The following ASAP1 variants were observed in gnomAD, a reference collection of about 807,000 sequenced individuals.
The protein encoded by ASAP1 is ArfGAP with SH3 domain, ankyrin repeat and PH domain 1, also known as arf-GAP with SH3 domain, ANK repeat and PH domain-containing protein 1.
ASAP1 carries 43 observed loss-of-function variants against 145.2 expected under a neutral mutation model. The observed-to-expected ratio is 0.30, with a 90% CI of 0.23 to 0.38. ASAP1 has a LOEUF of 0.38. ASAP1 is among the 10% of genes least tolerant of loss of function. ASAP1 has a pLI of 1.00. For synonymous variants in ASAP1, 546 were observed against 515.5 expected (o/e 1.06, Z -0.80); for missense variants, 1,018 against 1,355.3 (o/e 0.75, Z 3.91).
intron 1 of ASAP1, among the ~76,000 whole-genome samples, chr8:130,411,649 G>GA (rs1829270420): frequency 6.6e-6 from 1 of 151,958 alleles, no homozygotes; most frequent in Non-Finnish European, 1.5e-5. Flanking sequence ...TTGTTAGGAG[G>GA]AAAAAAAGGA....
At chr8:130,287,828 C>T (rs1232640644) in intron 3 of ASAP1, among the ~76,000 whole-genome samples, 3 of 152,182 alleles carry the variant, frequency 2.0e-5, no homozygotes, top group African/African-American at 7.2e-5. Flanking sequence ...CACCTCTATA[C>T]CCCTAGCCCT....
chr8:130,100,608 C>T (rs1281379694), intron 24 of ASAP1, among the ~76,000 whole-genome samples: 1 of 152,178 alleles, frequency 6.6e-6, no homozygotes. Flanking sequence ...GGATTACAGG[C>T]ATGAACCACC....
At chr8:130,061,362 G>C (rs1247330130) in intron 27 of ASAP1, among the ~76,000 whole-genome samples, 1 of 152,130 alleles carries the variant, frequency 6.6e-6, no homozygotes, top group Non-Finnish European at 1.5e-5. Context: ...GGAAAGTACA[G>C]AGTTCTTAAG....
At chr8:130,169,188 G>A in intron 9 of ASAP1, 121 bp from the exon 10 acceptor site, 1 of 571,306 alleles carries the variant, frequency 1.8e-6, no homozygotes, top group Middle Eastern at 3.9e-4. Flanking sequence ...ACACTTATCT[G>A]TATATATATA....
At chr8:130,269,921 G>A (rs567677974) in intron 3 of ASAP1, among the ~76,000 whole-genome samples, 11 of 152,260 alleles carry the variant, frequency 7.2e-5, no homozygotes, top group African/African-American at 1.4e-4. Flanking sequence ...TATTATCCCC[G>A]CACTTTGGGA....
At chr8:130,087,397 G>C (rs1361912607) in intron 25 of ASAP1, among the ~76,000 whole-genome samples, 1 of 152,102 alleles carries the variant, frequency 6.6e-6, no homozygotes, top group East Asian at 1.9e-4. Flanking sequence ...GCGGGTGCCT[G>C]CAATCCCAGC....
intron 27 of ASAP1, among the ~76,000 whole-genome samples, chr8:130,070,366 T>C (rs1356009996): frequency 2.6e-5 from 4 of 152,218 alleles, no homozygotes; most frequent in African/African-American, 9.7e-5. Context: ...GATTGTATCA[T>C]GGTAATGAAC....
In ASAP1 at chr8:130,060,609, C is replaced by A. The variant is rs140674458; in HGVS notation, c.3162G>T (p.Thr1054=). The change falls in exon 28 of 30, where the codon ACG becomes ACT. Residue 1054 remains threonine, a synonymous_variant. Coordinates refer to ENST00000518721, the MANE Select transcript of ASAP1 (RefSeq NM_018482.4). ...TGATTTTTCTGGGCAGTGGTACGGG[C>A]GTCTCTGGCAGAGTAGGCGTGAGGT... The part of the protein sequence containing the change: ...SNDLTPTLPE[T]PVPLPRKINT... 4.3e-6 allele frequency: 7 copies of A among 1,613,586 alleles called. No homozygotes were observed. The highest frequency in any genetic ancestry group is 1.3e-5 in the African/African-American group (1 of 75,026).
At chr8:130,151,860 TCAGA>T (rs779106227) in intron 13 of ASAP1, among the ~76,000 whole-genome samples, 17 of 152,242 alleles carry the variant, frequency 1.1e-4, no homozygotes, top group Non-Finnish European at 2.1e-4. Flanking sequence ...AGGACTAATG[TCAGA>T]CAGACACCCG....
intron 2 of ASAP1, among the ~76,000 whole-genome samples, chr8:130,393,527 G>A (rs545050367): frequency 3.2e-4 from 49 of 152,294 alleles, no homozygotes; most frequent in African/African-American, 8.4e-4. Flanking sequence ...AGGCCAAGGC[G>A]GGCAGATCAC....
chr8:130,423,656 A>G (rs980400707), intron 1 of ASAP1, among the ~76,000 whole-genome samples: 2 of 152,240 alleles, frequency 1.3e-5, no homozygotes, highest in African/African-American at 4.8e-5. Context: ...ATATGAAGGA[A>G]TAAGTTGAAA....
chr8:130,371,001 C>T (rs1401352670), intron 2 of ASAP1, among the ~76,000 whole-genome samples: 2 of 152,108 alleles, frequency 1.3e-5, no homozygotes, highest in South Asian at 2.1e-4. Flanking sequence ...TGTGAATACA[C>T]TAAAAACCAC....
At chr8:130,374,243 G>A (rs1261307888) in intron 2 of ASAP1, among the ~76,000 whole-genome samples, 1 of 152,178 alleles carries the variant, frequency 6.6e-6, no homozygotes. Flanking sequence ...TAAGATATGT[G>A]AGAGTACAAC....
intron 13 of ASAP1, among the ~76,000 whole-genome samples, chr8:130,143,523 C>A (rs1299418838): frequency 6.6e-6 from 1 of 151,942 alleles, no homozygotes; most frequent in Non-Finnish European, 1.5e-5. Context: ...CCCTCTCCTA[C>A]ACACCCTCAG....
intron 5 of ASAP1, among the ~76,000 whole-genome samples, chr8:130,208,971 C>A (rs1017169684): frequency 3.9e-5 from 6 of 152,038 alleles, no homozygotes; most frequent in African/African-American, 1.4e-4. Flanking sequence ...AGATAAACTC[C>A]AAGTGTCAAT....
chr8:130,320,571 A>G (rs1047405415), intron 3 of ASAP1, among the ~76,000 whole-genome samples: 1 of 152,108 alleles, frequency 6.6e-6, no homozygotes, highest in Non-Finnish European at 1.5e-5. Context: ...GAATACATAC[A>G]TACATATGAA....
chr8:130,399,100 C>T (rs936877617), intron 2 of ASAP1, among the ~76,000 whole-genome samples: 2 of 152,186 alleles, frequency 1.3e-5, no homozygotes, highest in African/African-American at 2.4e-5. Flanking sequence ...AAGGATGGGA[C>T]GTGCCTTTCT....
At position 130,127,837 on chromosome 8, in the gene ASAP1, G is replaced by A. The variant is rs145774943; in HGVS notation, c.1381+90C>T. The A allele has an allele frequency of 2.6e-4, 372 of 1,444,656 alleles. No homozygotes were observed. The African/African-American group carries it at 4.7e-3, about 18-fold the overall frequency. 89.5% of individuals were successfully genotyped at this position (1,444,656 alleles called of 1,614,324 possible). The stretch of plus-strand genomic sequence containing the variant: ...GTGTGTATGTGAGTGTGTCCATAGG[G>A]GTTAAGGTTTTTCAATAACTAGATC... On this transcript the variant is annotated intron_variant, in intron 16 of 29. Transcript: ENST00000518721.
chr8:130,225,407 C>G (rs1383247791), intron 4 of ASAP1, among the ~76,000 whole-genome samples: 3 of 152,130 alleles, frequency 2.0e-5, no homozygotes, highest in Non-Finnish European at 4.4e-5. Context: ...TTATATAGCA[C>G]AGGAAAGGGT....
Sources: gnomAD v4.1 joint callset for allele counts (sites outside exome capture counted in the v4.1 genomes callset) on GRCh38, gnomAD v4.1.1 for gene constraint, MANE v1.5 for transcripts, NCBI Gene and HGNC (gene_info 2026-07-23, HGNC 2026-07-21) for gene names.